Variants in CMTM4 observed in about 807,000 individuals in gnomAD.
The protein encoded by CMTM4 is CKLF-like MARVEL transmembrane domain-containing protein 4.
CMTM4 carries 8 observed loss-of-function variants against 19.0 expected under a neutral mutation model. That is an observed-to-expected ratio of 0.42 (90% CI 0.25 to 0.76). The LOEUF (loss-of-function observed/expected upper bound fraction) is 0.76. CMTM4 is among the 30% of genes least tolerant of loss of function. The pLI is 0.27. For synonymous variants in CMTM4, 106 were observed against 121.1 expected (o/e 0.88, Z 0.82); for missense variants, 228 against 290.2 (o/e 0.79, Z 1.56).
chr16:66,604,140 C>T, the CMTM4 span: 47 of 148,468 alleles, frequency 3.2e-4, no homozygotes, highest in East Asian at 7.6e-3. Context: ...CGCGCGCGCG[C>T]GTGTGTGTGT....
Position 66,696,428 on chromosome 16 carries a change from G to T in CMTM4, c.98C>A (p.Pro33Gln). Residue 33 changes from proline to glutamine, a missense_variant, in exon 1 of 4, where the codon CCG (proline) becomes CAG (glutamine). Physicochemically the swap from Pro to Gln is moderately conservative, Grantham distance 76. Coordinates refer to ENST00000394106, the MANE Select transcript of CMTM4 (RefSeq NM_181521.3). The surrounding 1 kb of genome is among the most constrained non-coding windows in gnomAD (Gnocchi z 4.3). ...ASSPYQPTTE[P>Q]VSQRRGLAGL... Reference sequence around the variant, plus strand: ...GGCCAGCCCGCGGCGCTGGCTCACCGGCTCGGTGGTGGGCTGGTACGGGCT... The same window carrying T: ...GGCCAGCCCGCGGCGCTGGCTCACCTGCTCGGTGGTGGGCTGGTACGGGCT... 7.2e-7 allele frequency: 1 copy of T among 1,395,168 alleles called. No homozygotes were observed. 86.4% of individuals were successfully genotyped at this position (1,395,168 alleles called of 1,614,324 possible).
rs1248781957 is a variant in CMTM4 at position 66,621,100 on chromosome 16, C to CT, written c.*957dup. The stretch of plus-strand genomic sequence containing the variant: ...ATCTGCTCAGAATCATTTTAGAACT[C>CT]TTTGCAGGCATTTAGAAAATTAGCA... On this transcript the variant is annotated 3_prime_UTR_variant, in exon 4 of 4. Coordinates refer to ENST00000394106, the MANE Select transcript of CMTM4 (RefSeq NM_181521.3). The CT allele has an allele frequency of 2.0e-6, 2 of 985,770 alleles. No individual in the cohort carries two copies. Among genetic ancestry groups the CT allele is most frequent in the African/African-American group, 1.7e-5 (1 of 57,258 alleles). The allele number at this position is 985,770 out of a possible 1,614,324, so 61.1% of individuals were successfully genotyped here. A position where few individuals can be genotyped will look rare whatever the true frequency, so the allele number is the denominator to read the frequency against.
intron 1 of CMTM4, among the ~76,000 whole-genome samples, chr16:66,671,585 T>C (rs923855026): frequency 3.3e-5 from 5 of 152,168 alleles, no homozygotes; most frequent in African/African-American, 1.2e-4. Context: ...CCAAGGAAAG[T>C]GACTCCAGAC....
At chr16:66,604,485 G>A in the CMTM4 span, 1 of 226,808 alleles carries the variant, frequency 4.4e-6, no homozygotes, top group South Asian at 1.8e-4. Context: ...GCAGACGGGT[G>A]GGAGCTCCGA....
chr16:66,633,118 A>ATATATATATATATATATATATAAATAT (rs2015913157), intron 2 of CMTM4, among the ~76,000 whole-genome samples: 1 of 76,198 alleles, frequency 1.3e-5, no homozygotes, highest in African/African-American at 3.7e-5. Context: ...TATATATATA[A>ATATATATATATATATATATATAAATAT]ATATATATAT....
At chr16:66,654,702 C>T (rs1225619430) in intron 1 of CMTM4, among the ~76,000 whole-genome samples, 5 of 152,342 alleles carry the variant, frequency 3.3e-5, no homozygotes, top group South Asian at 4.1e-4. Context: ...GGCACATTTA[C>T]TTCTCTTCTC....
At chr16:66,604,953 G>A in the CMTM4 span, 3 of 1,504,920 alleles carry the variant, frequency 2.0e-6, no homozygotes, top group Admixed American at 2.2e-5. Context: ...GGCCGAGTCG[G>A]TGAGTGCGGC....
Position 66,696,631 on chromosome 16 carries a change from CCGACTGACT to C in CMTM4, c.-115_-107del. ...CCGCCGCCGCCGCCGCCGCCGCCGCCCGACTGACTGCCCGCGGCCCGCCCGCCGCCGCCG... is the reference window on the plus strand; with the variant it reads ...CCGCCGCCGCCGCCGCCGCCGCCGCCGCCCGCGGCCCGCCCGCCGCCGCCG... On this transcript the variant is annotated 5_prime_UTR_variant, in exon 1 of 4. Coordinates refer to ENST00000394106, the MANE Select transcript of CMTM4 (RefSeq NM_181521.3). The surrounding 1 kb of genome is among the most constrained non-coding windows in gnomAD (Gnocchi z 4.3). 16 of 607,474 alleles carry C rather than the reference CCGACTGACT, an allele frequency of 2.6e-5. No homozygotes were observed. Among genetic ancestry groups the C allele is most frequent in the Non-Finnish European group, 3.1e-5 (15 of 487,950 alleles). The allele number at this position is 607,474 out of a possible 1,614,324, so 37.6% of individuals were successfully genotyped here.
intron 1 of CMTM4, among the ~76,000 whole-genome samples, chr16:66,649,309 G>C (rs1410498996): frequency 2.0e-5 from 3 of 152,058 alleles, no homozygotes. Flanking sequence ...ATTTAGGCAA[G>C]TACCATCCCT....
chr16:66,677,647 G>T (rs970782596), intron 1 of CMTM4, among the ~76,000 whole-genome samples: 1 of 152,142 alleles, frequency 6.6e-6, no homozygotes, highest in Non-Finnish European at 1.5e-5. Flanking sequence ...GCCTGACACA[G>T]GCCCTTAAAG....
chr16:66,695,078 G>A (rs1446544447), intron 1 of CMTM4, among the ~76,000 whole-genome samples: 1 of 152,198 alleles, frequency 6.6e-6, no homozygotes, highest in Non-Finnish European at 1.5e-5. Flanking sequence ...CTGGCACGGT[G>A]GCTCATGCCT....
chr16:66,611,840 T>C (rs2015387525), downstream of CMTM4, among the ~76,000 whole-genome samples: 1 of 151,718 alleles, frequency 6.6e-6, no homozygotes, highest in South Asian at 2.1e-4. Flanking sequence ...TAAACAAGGA[T>C]TGGGGGAGGG....
the CMTM4 span, among the ~76,000 whole-genome samples, chr16:66,606,344 T>C: frequency 6.6e-6 from 1 of 152,036 alleles, no homozygotes; most frequent in Non-Finnish European, 1.5e-5. Flanking sequence ...GGTGCAGGCA[T>C]AGGAGACAGG....
intron 1 of CMTM4, among the ~76,000 whole-genome samples, chr16:66,643,403 C>T (rs769493379): frequency 4.6e-5 from 7 of 152,142 alleles, no homozygotes; most frequent in Non-Finnish European, 1.0e-4. Context: ...TGGAACAGAC[C>T]CCAAACTTCA....
At chr16:66,626,582 G>C (rs535817485) in intron 2 of CMTM4, among the ~76,000 whole-genome samples, 1 of 151,508 alleles carries the variant, frequency 6.6e-6, no homozygotes, top group South Asian at 2.1e-4. Context: ...CTCCAGCCTG[G>C]GCGACAGAGT....
chr16:66,672,831 G>A (rs1596952757), intron 1 of CMTM4, among the ~76,000 whole-genome samples: 2 of 147,738 alleles, frequency 1.4e-5, no homozygotes, highest in African/African-American at 5.0e-5. Flanking sequence ...TTCATATGTC[G>A]GCCAGGCTAG....
At chr16:66,663,695 G>A (rs1235196430) in intron 1 of CMTM4, among the ~76,000 whole-genome samples, 5 of 151,150 alleles carry the variant, frequency 3.3e-5, no homozygotes, top group Admixed American at 1.3e-4. Flanking sequence ...GGCAAGCGCC[G>A]CCACACCGAG....
chr16:66,673,062 A>G (rs897671665), intron 1 of CMTM4, among the ~76,000 whole-genome samples: 5 of 129,966 alleles, frequency 3.8e-5, no homozygotes, highest in Non-Finnish European at 6.3e-5. Flanking sequence ...GGCACGCGCC[A>G]CCACACCAAT....
At chr16:66,610,070 G>C, downstream of CMTM4, 1 of 1,590,020 alleles carries the variant, frequency 6.3e-7, no homozygotes, top group Non-Finnish European at 8.6e-7. The surrounding 1 kb of genome is among the most constrained non-coding windows in gnomAD (Gnocchi z 4.6). Context: ...GGGGATGCCA[G>C]CTAGTTTGAG....
Sources: allele counts gnomAD v4.1 joint callset (sites outside exome capture counted in the v4.1 genomes callset), GRCh38; gene constraint gnomAD v4.1.1; non-coding constraint Gnocchi (gnomAD v3.1); transcripts MANE v1.5; gene names NCBI Gene and HGNC (gene_info 2026-07-23, HGNC 2026-07-21).